Variants in TENM2 observed in about 807,000 individuals in gnomAD.
TENM2 encodes the protein teneurin transmembrane protein 2.
Under a neutral mutation model 245.2 loss-of-function variants are expected in TENM2, and 52 were observed. The ratio of observed to expected loss-of-function variants is 0.21; its 90% CI spans 0.17 to 0.27. The LOEUF is 0.27. Ranked by LOEUF, TENM2 falls within the 10% of genes least tolerant of loss-of-function variation. The pLI is 1.00. For synonymous variants in TENM2, 1,363 were observed against 1,438.9 expected, an observed-to-expected ratio of 0.95 and a Z score of 1.19; for missense variants, 3,046 against 3,666.8, an observed-to-expected ratio of 0.83 and a Z score of 4.37.
At chr5:167,490,698 T>C (rs967709354) in intron 2 of TENM2, among the ~76,000 whole-genome samples, 4 of 152,094 alleles carry the variant, frequency 2.6e-5, no homozygotes, top group African/African-American at 9.7e-5. Context: ...AATATTTGAG[T>C]TAACATTGAT....
At chr5:167,490,247 A>T (rs1451998766) in intron 2 of TENM2, among the ~76,000 whole-genome samples, 4 of 152,196 alleles carry the variant, frequency 2.6e-5, no homozygotes, top group Non-Finnish European at 4.4e-5. Context: ...CACAATGCAT[A>T]TAATAAGTTT....
intron 2 of TENM2, among the ~76,000 whole-genome samples, chr5:167,773,767 G>A (rs1338902434): frequency 6.6e-6 from 1 of 152,046 alleles, no homozygotes; most frequent in Non-Finnish European, 1.5e-5. Context: ...GGAGTGATCT[G>A]CTTGATAATA....
intron 2 of TENM2, among the ~76,000 whole-genome samples, chr5:167,844,601 G>T (rs543148486): frequency 1.3e-5 from 2 of 152,114 alleles, no homozygotes; most frequent in Admixed American, 6.5e-5. Context: ...TAAATTGGGG[G>T]ACAAAAGGGG....
intron 13 of TENM2, among the ~76,000 whole-genome samples, chr5:168,177,564 C>A (rs564324359): frequency 1.8e-4 from 27 of 152,306 alleles, no homozygotes; most frequent in African/African-American, 6.5e-4. Context: ...CAGCCAGGCA[C>A]AATGGCTCAT....
chr5:168,109,670 T>C (rs995315597), intron 9 of TENM2, among the ~76,000 whole-genome samples: 5 of 152,190 alleles, frequency 3.3e-5, no homozygotes, highest in African/African-American at 1.2e-4. Flanking sequence ...ACGTTCTGAG[T>C]CAGAAGCTGC....
intron 1 of TENM2, among the ~76,000 whole-genome samples, chr5:167,300,547 T>G (rs912607804): frequency 6.6e-6 from 1 of 152,122 alleles, no homozygotes; most frequent in African/African-American, 2.4e-5. Context: ...GGAATTGTAA[T>G]GAGAGTTTAT....
chr5:167,148,132 C>G, the TENM2 span, among the ~76,000 whole-genome samples: 3 of 152,158 alleles, frequency 2.0e-5, no homozygotes, highest in Non-Finnish European at 2.9e-5. Context: ...AAGTTGGGCA[C>G]TGAGATAATT....
Position 167,801,110 on chromosome 5 carries a change from ATATATATATATATATATAT to A in TENM2, c.503-74875_503-74857del, listed in dbSNP as rs1451878165. 1.0e-3 allele frequency among the ~76,000 whole-genome samples: 65 copies of A among 62,558 alleles called. 3 individuals carry two copies. The highest frequency in any genetic ancestry group is 4.2e-3 in the East Asian group (7 of 1,662). 41.0% of individuals were successfully genotyped at this position (62,558 alleles called of 152,430 possible). A position where few individuals can be genotyped will look rare whatever the true frequency, so the allele number is the denominator to read the frequency against. On this transcript the variant is annotated intron_variant, in intron 2 of 28. Coordinates refer to ENST00000518659, the Ensembl canonical transcript of TENM2. The stretch of plus-strand genomic sequence containing the variant: ...TATTTGAAAAGAAAAAAAAAAAAAA[ATATATATATATATATATAT>A]ATATATATATATATATATATATATG...
At chr5:168,039,882 G>A (rs762645984) in intron 5 of TENM2, among the ~76,000 whole-genome samples, 2 of 151,938 alleles carry the variant, frequency 1.3e-5, no homozygotes, top group Non-Finnish European at 2.9e-5. Flanking sequence ...CTGCAGCAGC[G>A]GGTTCCAGGA....
intron 3 of TENM2, among the ~76,000 whole-genome samples, chr5:167,892,371 C>A (rs1371181784): frequency 2.6e-5 from 4 of 152,190 alleles, no homozygotes; most frequent in Non-Finnish European, 1.5e-5. Flanking sequence ...GGTCAGTCTT[C>A]TAAGAAACAT....
intron 2 of TENM2, among the ~76,000 whole-genome samples, chr5:167,404,058 A>T (rs868759320): frequency 2.6e-5 from 4 of 152,216 alleles, no homozygotes; most frequent in Middle Eastern, 6.8e-3. Context: ...TTCATAGAGA[A>T]TTGTAAATTA....
At chr5:167,185,524 T>C in the TENM2 span, among the ~76,000 whole-genome samples, 196 of 152,150 alleles carry the variant, frequency 1.3e-3, no homozygotes, top group Non-Finnish European at 1.9e-3. Context: ...GTCCAACATA[T>C]ATTTGAATAT....
At chr5:167,728,468 G>A (rs1043552858) in intron 2 of TENM2, among the ~76,000 whole-genome samples, 70 of 147,788 alleles carry the variant, frequency 4.7e-4, no homozygotes, top group African/African-American at 1.4e-3. Context: ...AAAAATTAAC[G>A]GCATGGTGGT....
At chr5:167,573,531 C>CCT (rs3052025) in intron 2 of TENM2, among the ~76,000 whole-genome samples, 94,426 of 149,776 alleles carry the variant, frequency 0.63, 30,094 homozygotes, top group Middle Eastern at 0.71. Context: ...CCCCTCTCCC[C>CCT]CTCTCTCTCT....
intron 2 of TENM2, among the ~76,000 whole-genome samples, chr5:167,508,920 G>A (rs1013203219): frequency 3.7e-4 from 57 of 152,158 alleles, no homozygotes; most frequent in Admixed American, 1.3e-4. Flanking sequence ...CCGGGTTCAA[G>A]TGATTCTCCT....
At chr5:167,246,492 TAC>T in the TENM2 span, among the ~76,000 whole-genome samples, 2 of 152,076 alleles carry the variant, frequency 1.3e-5, no homozygotes, top group African/African-American at 4.8e-5. Flanking sequence ...TGTATGTATT[TAC>T]ATACTGTAAT....
At chr5:167,613,189 A>T (rs1777583671) in intron 2 of TENM2, among the ~76,000 whole-genome samples, 1 of 152,110 alleles carries the variant, frequency 6.6e-6, no homozygotes, top group Admixed American at 6.6e-5. Flanking sequence ...TCCACCACTT[A>T]CTCTGTAACA....
At chr5:167,278,051 C>T in the TENM2 span, among the ~76,000 whole-genome samples, 2 of 152,138 alleles carry the variant, frequency 1.3e-5, no homozygotes, top group South Asian at 4.1e-4. Context: ...TGCCTGTAAT[C>T]CCAGCACTTT....
intron 2 of TENM2, among the ~76,000 whole-genome samples, chr5:167,700,949 T>TAAAAAA (rs781480259): frequency 1.4e-4 from 11 of 79,916 alleles, no homozygotes; most frequent in East Asian, 1.1e-3. Context: ...TTATATTTCT[T>TAAAAAA]AAAAAAAAAA....
Sources: allele counts gnomAD v4.1 joint callset (sites outside exome capture counted in the v4.1 genomes callset), GRCh38; gene constraint gnomAD v4.1.1; transcripts MANE v1.5; gene names NCBI Gene and HGNC (gene_info 2026-07-23, HGNC 2026-07-21).